ACSM1: variants seen among roughly 807,000 people sequenced by gnomAD.
ACSM1 encodes the protein acyl-coenzyme A synthetase ACSM1, mitochondrial.
A neutral mutation model predicts 75.8 loss-of-function variants in ACSM1; 79 were observed. The observed-to-expected ratio is 1.04, with a 90% CI of 0.87 to 1.26. The LOEUF is 1.26. ACSM1 is among the 50% of genes most tolerant of loss of function. The pLI, the probability that ACSM1 is intolerant of heterozygous loss-of-function variation, is 0.00. For missense variants in ACSM1, 676 were observed against 720.1 expected (o/e 0.94, Z 0.70); for synonymous variants, 279 against 265.8 (o/e 1.05, Z -0.48).
intron 2 of ACSM1, among the ~76,000 whole-genome samples, chr16:20,688,733 A>G (rs1425272046): frequency 1.3e-5 from 2 of 152,016 alleles, no homozygotes; most frequent in Non-Finnish European, 2.9e-5. Flanking sequence ...GTCAAAGTTC[A>G]CTATCCCTAG....
chr16:20,641,875 G>C (rs1222551023), intron 7 of ACSM1, among the ~76,000 whole-genome samples: 1 of 152,142 alleles, frequency 6.6e-6, no homozygotes, highest in East Asian at 1.9e-4. Flanking sequence ...ACGTGTAAAA[G>C]AAGCTCGGTG....
chr16:20,666,685 C>T (rs1217586007), intron 6 of ACSM1, among the ~76,000 whole-genome samples: 2 of 152,144 alleles, frequency 1.3e-5, no homozygotes, highest in East Asian at 1.9e-4. Context: ...AAGCTAGAGG[C>T]ATCACGTTGC....
chr16:20,688,190 A>C lies in ACSM1; in HGVS notation c.193-2787T>G, dbSNP rs141661377. On this transcript the variant is annotated intron_variant, in intron 2 of 13. Coordinates refer to ENST00000520010, the MANE Select transcript of ACSM1 (RefSeq NM_001318890.3). ...AAATTCACTAGGGGTTCAATGGCAG[A>C]TTCAAATAGGTAGAAGAAAAAATCC... 4.5e-3 allele frequency among the ~76,000 whole-genome samples: 684 copies of C among 152,296 alleles called. 6 individuals carry two copies. The highest frequency in any genetic ancestry group is 0.015 in the African/African-American group (633 of 41,572).
In ACSM1 at chr16:20,631,239, C is replaced by T. The variant is rs142120081; in HGVS notation, c.1300-3923G>A. Among the ~76,000 whole-genome samples, 1,146 of 152,300 alleles carry T rather than the reference C, an allele frequency of 7.5e-3. 19 individuals are homozygous for T. Among genetic ancestry groups the T allele is most frequent in the African/African-American group, 0.027 (1,118 of 41,562 alleles). On this transcript the variant is annotated intron_variant, in intron 10 of 13. Transcript: ENST00000520010. Reference sequence around the variant, plus strand: ...GGGGCCTCACATGGAGAATGGGACTCTTCTGGAGAACCCTACTGGAGTTGC... The same window carrying T: ...GGGGCCTCACATGGAGAATGGGACTTTTCTGGAGAACCCTACTGGAGTTGC...
At chr16:20,645,088 G>A (rs945170768) in intron 7 of ACSM1, among the ~76,000 whole-genome samples, 2 of 152,204 alleles carry the variant, frequency 1.3e-5, no homozygotes, top group Non-Finnish European at 1.5e-5. Context: ...CCCAGCTCTA[G>A]AACTCACCTC....
At chr16:20,635,647 T>C (rs2017660747) in intron 10 of ACSM1, among the ~76,000 whole-genome samples, 1 of 108,224 alleles carries the variant, frequency 9.2e-6, no homozygotes, top group Admixed American at 9.7e-5. Context: ...TTTCTTTCTT[T>C]CTTTCATTTT....
intron 6 of ACSM1, among the ~76,000 whole-genome samples, chr16:20,665,640 C>A (rs2019525659): frequency 6.6e-6 from 1 of 152,054 alleles, no homozygotes; most frequent in Non-Finnish European, 1.5e-5. Flanking sequence ...TTCTATGAAG[C>A]CAGAATGCTT....
intron 3 of ACSM1, among the ~76,000 whole-genome samples, chr16:20,683,800 C>T (rs771224154): frequency 4.6e-5 from 7 of 151,098 alleles, no homozygotes; most frequent in Non-Finnish European, 7.4e-5. Flanking sequence ...GATCTCCTGA[C>T]CTCATGATCC....
At chr16:20,651,560 C>T (rs530425911) in intron 7 of ACSM1, among the ~76,000 whole-genome samples, 19 of 152,182 alleles carry the variant, frequency 1.2e-4, no homozygotes, top group Admixed American at 3.9e-4. Flanking sequence ...GCCCGGGAGA[C>T]GGAGGTTGCA....
At chr16:20,679,856 G>A (rs2079402656) in intron 4 of ACSM1, 1 of 152,152 alleles carries the variant, frequency 6.6e-6, no homozygotes, top group African/African-American at 2.4e-5. Context: ...AAATCAGAGG[G>A]AGAAAAAGAA....
chr16:20,671,845 G>A lies in ACSM1; in HGVS notation c.612-174C>T, dbSNP rs145077252. Among the ~76,000 whole-genome samples the A allele has an allele frequency of 6.2e-4, 94 of 152,296 alleles. 1 individual carries two copies. In the East Asian group the frequency reaches 0.017, roughly 28 times the overall value. ...CTGACTTGATGGGTGATTCGGACAT[G>A]TGGACCAGCATTTTTTTATTTGAAA... On this transcript the variant is annotated intron_variant, in intron 4 of 13. Transcript: ENST00000520010.
intron 1 of ACSM1, among the ~76,000 whole-genome samples, chr16:20,695,389 G>A (rs1027740804): frequency 6.6e-6 from 1 of 152,194 alleles, no homozygotes; most frequent in Admixed American, 6.5e-5. Context: ...AAGAGCTGTT[G>A]CTAGTTAACA....
At chr16:20,627,865 TATAC>T (rs1350354774) in intron 10 of ACSM1, among the ~76,000 whole-genome samples, 1 of 42,896 alleles carries the variant, frequency 2.3e-5, no homozygotes, top group African/African-American at 8.3e-5. Flanking sequence ...TCTCTGTATG[TATAC>T]ATATATATAT....
intron 6 of ACSM1, among the ~76,000 whole-genome samples, chr16:20,668,802 T>C (rs748984180): frequency 6.6e-6 from 1 of 152,062 alleles, no homozygotes; most frequent in African/African-American, 2.4e-5. Flanking sequence ...AAGTTTGGTA[T>C]TAAGGTGGAA....
chr16:20,641,909 T>A (rs1180547293), intron 7 of ACSM1, among the ~76,000 whole-genome samples: 1 of 152,192 alleles, frequency 6.6e-6, no homozygotes, highest in East Asian at 1.9e-4. Context: ...CTCGGAAGAA[T>A]CAGGGTAACA....
At chr16:20,653,777 A>T (rs550549505) in intron 7 of ACSM1, among the ~76,000 whole-genome samples, 51 of 152,350 alleles carry the variant, frequency 3.3e-4, no homozygotes, top group African/African-American at 1.2e-3. Flanking sequence ...ATGGAAGAAC[A>T]TTCCATGCTC....
intron 7 of ACSM1, among the ~76,000 whole-genome samples, chr16:20,653,507 A>G (rs546953069): frequency 7.2e-5 from 11 of 152,328 alleles, no homozygotes; most frequent in African/African-American, 2.6e-4. Flanking sequence ...AAAAAACCCC[A>G]TCGTCTCAGC....
chr16:20,663,080 A>G (rs1352308785), intron 6 of ACSM1, among the ~76,000 whole-genome samples: 2 of 152,134 alleles, frequency 1.3e-5, no homozygotes, highest in African/African-American at 4.8e-5. Flanking sequence ...TGGGACACCA[A>G]TCTCTGTGCC....
intron 7 of ACSM1, among the ~76,000 whole-genome samples, chr16:20,641,227 T>C (rs2018039579): frequency 6.6e-6 from 1 of 152,226 alleles, no homozygotes; most frequent in African/African-American, 2.4e-5. Context: ...ATATATTTCT[T>C]TGACATATTT....
Sources: allele counts gnomAD v4.1 joint callset (sites outside exome capture counted in the v4.1 genomes callset), GRCh38; gene constraint gnomAD v4.1.1; transcripts MANE v1.5; gene names NCBI Gene and HGNC (gene_info 2026-07-23, HGNC 2026-07-21).